Variants in NOC2L observed in about 807,000 individuals in gnomAD.
The protein encoded by NOC2L is nucleolar complex protein 2 homolog.
Under a neutral mutation model 94.2 loss-of-function variants are expected in NOC2L, and 101 were observed. The observed-to-expected ratio is 1.07, with a 90% CI of 0.91 to 1.26. The LOEUF is 1.26. Ranked by LOEUF, NOC2L falls within the 50% of genes most tolerant of loss-of-function variation. The probability of loss-of-function intolerance (pLI) is 0.00; values close to 1 mark genes in which losing one functional copy is unlikely to be tolerated. For synonymous variants in NOC2L, 531 were observed against 413.4 expected, an observed-to-expected ratio of 1.28 and a Z score of -3.45; for missense variants, 1,076 against 980.1, an observed-to-expected ratio of 1.10 and a Z score of -1.31.
chr1:956,057 AACAG>A (rs1172723578), intron 5 of NOC2L, 34 bp downstream of exon 5: 1 of 1,613,982 alleles, frequency 6.2e-7, no homozygotes. Context: ...CAGAGAACGC[AACAG>A]ACAGCCTGGA....
Position 951,918 on chromosome 1 carries a change from C to T in NOC2L, c.1331+82G>A, listed in dbSNP as rs74994989. The stretch of plus-strand genomic sequence containing the variant: ...CAGACTCAGGCCCCAAGGCCCTGAA[C>T]GCCAGAGGCACCGCCCACACAGTCC... On this transcript the variant is annotated intron_variant, in intron 11 of 18. Coordinates refer to ENST00000327044, the MANE Select transcript of NOC2L (RefSeq NM_015658.4). 1,700 of 1,496,090 alleles carry T rather than the reference C, an allele frequency of 1.1e-3. 2 individuals carry two copies. Among genetic ancestry groups the T allele is most frequent in the Admixed American group, 2.3e-3 (116 of 51,312 alleles). 92.7% of individuals were successfully genotyped at this position (1,496,090 alleles called of 1,614,324 possible). A position where few individuals can be genotyped will look rare whatever the true frequency, so the allele number is the denominator to read the frequency against.
rs1363656912 is a variant in NOC2L, at chr1:948,598, G to C, written c.1449C>G (p.Phe483Leu). 7.0e-7 allele frequency: 1 copy of C among 1,433,642 alleles called. No homozygotes were observed. 88.8% of individuals were successfully genotyped at this position (1,433,642 alleles called of 1,614,324 possible). Residue 483 changes from phenylalanine (F) to leucine (L), a missense_variant, in exon 13 of 19, where the codon TTC becomes TTG. Transcript: ENST00000327044. The part of the protein sequence containing the change: ...IPVLPFILEM[F>L]QQVDFNRKPG... The stretch of plus-strand genomic sequence containing the variant: ...GCTTCCTGTTGAAGTCGACCTGCTG[G>C]AACATCTGCCCCAAGGGCCGTGTCA...
chr1:949,507 T>A (rs977525952), intron 12 of NOC2L, among the ~76,000 whole-genome samples: 1 of 152,224 alleles, frequency 6.6e-6, no homozygotes, highest in Admixed American at 6.5e-5. Context: ...AGCTGAGGGC[T>A]TTGTTTTAGC....
chr1:950,281 G>A (rs1280142824), intron 12 of NOC2L, among the ~76,000 whole-genome samples: 4 of 151,672 alleles, frequency 2.6e-5, no homozygotes, highest in East Asian at 1.9e-4. Context: ...ACGTGTGTAT[G>A]CACATAGGTG....
Position 946,306 on chromosome 1 carries a change from C to T in NOC2L, c.1804-20G>A. On this transcript the variant is annotated intron_variant, in intron 15 of 18. Coordinates refer to ENST00000327044, the MANE Select transcript of NOC2L (RefSeq NM_015658.4). ...GGCTTCCTGGGGGGTTGGGGGAGTT[C>T]AGGGTCATGCCTCACCCTGGGCAAA... is the stretch of plus-strand genomic sequence containing the variant. The T allele has an allele frequency of 1.2e-6, 2 of 1,612,312 alleles. No individual in the cohort carries two copies. Among genetic ancestry groups the T allele is most frequent in the South Asian group, 1.1e-5 (1 of 91,016 alleles).
At chr1:950,658 T>C (rs1041086265) in intron 12 of NOC2L, among the ~76,000 whole-genome samples, 3 of 40,240 alleles carry the variant, frequency 7.5e-5, no homozygotes, top group Non-Finnish European at 3.5e-4. Context: ...TGAACTGATA[T>C]GCACACACAC....
In NOC2L at chr1:944,281, T is replaced by C. The variant is rs988150957; in HGVS notation, c.*413A>G. ...AAACAAAAAATTTTAAAAGAAAATG[T>C]GACTTCAAAGGAAAGGAACAAATTT... On this transcript the variant is annotated 3_prime_UTR_variant, in exon 19 of 19. Transcript: ENST00000327044. The C allele has an allele frequency of 1.1e-5, 16 of 1,433,486 alleles. No homozygotes were observed. The highest frequency in any genetic ancestry group is 1.3e-5 in the Non-Finnish European group (14 of 1,096,004). 88.8% of individuals were successfully genotyped at this position (1,433,486 alleles called of 1,614,324 possible). A position where few individuals can be genotyped will look rare whatever the true frequency, so the allele number is the denominator to read the frequency against.
chr1:951,133 GA>G lies in NOC2L; in HGVS notation c.1436del (p.Ile479ThrfsTer17). ...SGAFIPVLPF[I>X]LEMFQQVDFN... is the part of the protein sequence containing the mutation. ...CCACCACAGCCTCACTCACCTCCAG[GA>G]TGAAAGGCAGCACCGGGATGAAGGC... is the stretch of plus-strand genomic sequence containing the variant. On this transcript the variant is annotated frameshift_variant, in exon 12 of 19. Coordinates refer to ENST00000327044, the MANE Select transcript of NOC2L (RefSeq NM_015658.4). LOFTEE classifies it high-confidence loss of function. 6.3e-7 allele frequency: 1 copy of G among 1,578,682 alleles called. No homozygotes were observed. The highest frequency in any genetic ancestry group is 1.2e-5 in the South Asian group (1 of 85,916).
intron 4 of NOC2L, 46 bp downstream of exon 4, chr1:956,848 G>A: frequency 6.2e-7 from 1 of 1,604,298 alleles, no homozygotes; most frequent in South Asian, 1.1e-5. Flanking sequence ...GGCAAGGCCA[G>A]ATTTCTGCCT....
Position 945,448 on chromosome 1 carries a change from C to T in NOC2L, c.2053+70G>A, listed in dbSNP as rs890041275. On this transcript the variant is annotated intron_variant, in intron 17 of 18. Transcript: ENST00000327044. The stretch of plus-strand genomic sequence containing the variant: ...CTGCAGGATGGGTACAGGTGGCCCT[C>T]GTGGCTCTGGGAAGTCCAGCAGAGC... The T allele has an allele frequency of 1.8e-5, 28 of 1,575,692 alleles. No individual in the cohort carries two copies. The African/African-American group carries it at 2.0e-4, about 11-fold the overall frequency.
At position 948,934 on chromosome 1, in the gene NOC2L, G is replaced by C. The variant is rs147695762; in HGVS notation, c.1444-331C>G. Among the ~76,000 whole-genome samples, 360 of 152,236 alleles carry C rather than the reference G, an allele frequency of 2.4e-3. 1 individual carries two copies. The highest frequency in any genetic ancestry group is 8.2e-3 in the African/African-American group (339 of 41,544). ...GAGACCTAGAGGTCCCTGCCACACA[G>C]AGTACCAGGACAGCCCCCATTCCTG... is the stretch of plus-strand genomic sequence containing the variant. On this transcript the variant is annotated intron_variant, in intron 12 of 18. Transcript: ENST00000327044.
In NOC2L at chr1:944,215, C is replaced by T. The variant is rs189966963; in HGVS notation, c.*479G>A. The T allele has an allele frequency of 1.1e-5, 17 of 1,479,100 alleles. 1 individual carries two copies. The East Asian group carries it at 1.7e-4, about 15-fold the overall frequency. 91.6% of individuals were successfully genotyped at this position (1,479,100 alleles called of 1,614,324 possible). A position where few individuals can be genotyped will look rare whatever the true frequency, so the allele number is the denominator to read the frequency against. ...CAGGAGCCACCACTCAACACAATGG[C>T]CCTGCCTCCCACCGCTTTATTTCTT... On this transcript the variant is annotated 3_prime_UTR_variant, in exon 19 of 19. Coordinates refer to ENST00000327044, the MANE Select transcript of NOC2L (RefSeq NM_015658.4).
At chr1:944,854 C>T (rs1310621361) in intron 18 of NOC2L, 54 bp from the exon 19 acceptor site, 5 of 1,373,806 alleles carry the variant, frequency 3.6e-6, no homozygotes, top group Middle Eastern at 1.8e-4. Flanking sequence ...AAGAAGCCAG[C>T]CTTAGAGGTT....
Position 944,721 on chromosome 1 carries a change from C to A in NOC2L, c.2223G>T (p.Glu741Asp). 1 of 1,600,494 alleles carries A rather than the reference C, an allele frequency of 6.2e-7. No individual in the cohort carries two copies. Among genetic ancestry groups the A allele is most frequent in the Middle Eastern group, 1.8e-4 (1 of 5,628 alleles). The change falls in exon 19 of 19, where the codon GAG becomes GAT. Residue 741 changes from glutamate (E) to aspartate (D), a missense_variant. Glu to Asp is a conservative substitution (Grantham distance 45). Transcript: ENST00000327044. Reference protein sequence around the residue: ...QLAQGPEDELEDLQLSEDD With the variant: ...QLAQGPEDELDDLQLSEDD ...AGTCGTCCTCTGAGAGCTGCAGATCCTCCAGCTCGTCCTCCGGCCCCTGGG... is the reference window on the plus strand; with the variant it reads ...AGTCGTCCTCTGAGAGCTGCAGATCATCCAGCTCGTCCTCCGGCCCCTGGG...
In NOC2L at chr1:945,660, G is replaced by T; in HGVS notation, c.1918-7C>A. 6.2e-7 allele frequency: 1 copy of T among 1,614,166 alleles called. No individual in the cohort carries two copies. The highest frequency in any genetic ancestry group is 8.5e-7 in the Non-Finnish European group (1 of 1,180,000). ...GGAAGTTCAGGTCTTCCAGCTGGAAGGCCAAAGAACCAGGGGCTCAGGTGA... is the reference window on the plus strand; with the variant it reads ...GGAAGTTCAGGTCTTCCAGCTGGAATGCCAAAGAACCAGGGGCTCAGGTGA... On this transcript the variant is annotated splice_polypyrimidine_tract_variant and splice_region_variant and intron_variant, in intron 16 of 18. Coordinates refer to ENST00000327044, the MANE Select transcript of NOC2L (RefSeq NM_015658.4).
At chr1:953,004 C>T (rs989396946) in intron 9 of NOC2L, among the ~76,000 whole-genome samples, 171 bp downstream of exon 9, 8 of 152,206 alleles carry the variant, frequency 5.3e-5, no homozygotes, top group African/African-American at 1.9e-4. Context: ...CTTCCCTGCC[C>T]ACCACCCCCA....
intron 17 of NOC2L, 27 bp from the exon 18 acceptor site, chr1:945,173 T>A: frequency 6.4e-7 from 1 of 1,570,538 alleles, no homozygotes; most frequent in East Asian, 2.4e-5. Context: ...AGAGTCCATA[T>A]GACTCCCACC....
At chr1:950,375 A>G (rs1393010550) in intron 12 of NOC2L, among the ~76,000 whole-genome samples, 1 of 152,112 alleles carries the variant, frequency 6.6e-6, no homozygotes, top group African/African-American at 2.4e-5. Context: ...ACAGGTAGAC[A>G]CATGCAGACG....
rs1272740793 is a variant in NOC2L at position 949,041 on chromosome 1, G to GCAACAA, written c.1444-439_1444-438insTTGTTG. 3.2e-3 allele frequency among the ~76,000 whole-genome samples: 250 copies of GCAACAA among 77,778 alleles called. 1 individual carries two copies. Among genetic ancestry groups the GCAACAA allele is most frequent in the African/African-American group, 9.3e-3 (241 of 25,976 alleles). 51.0% of individuals were successfully genotyped at this position (77,778 alleles called of 152,430 possible). On this transcript the variant is annotated intron_variant, in intron 12 of 18. Transcript: ENST00000327044. ...CCGTCCCGAGCAACCAGAAGACGCA[G>GCAACAA]CAGCAACAGCAAAGAGTGCCAGACA...
Sources: gnomAD v4.1 joint callset for allele counts (sites outside exome capture counted in the v4.1 genomes callset) on GRCh38, gnomAD v4.1.1 for gene constraint, MANE v1.5 for transcripts, NCBI Gene and HGNC (gene_info 2026-07-23, HGNC 2026-07-21) for gene names.